Variants in IQGAP1 observed in about 807,000 individuals in gnomAD.
The protein encoded by IQGAP1 is ras GTPase-activating-like protein IQGAP1.
Under a neutral mutation model 215.6 loss-of-function variants are expected in IQGAP1, and 66 were observed. That is an observed-to-expected ratio of 0.31 (90% CI 0.25 to 0.38). IQGAP1 has a LOEUF of 0.38. IQGAP1 is among the 10% of genes least tolerant of loss of function. The pLI is 1.00. For synonymous variants in IQGAP1, 772 were observed against 728.7 expected (o/e 1.06, Z -0.96); for missense variants, 1,712 against 1,997.1 (o/e 0.86, Z 2.72).
chr15:90,396,533 G>A (rs1158641748), intron 2 of IQGAP1, among the ~76,000 whole-genome samples: 1 of 152,138 alleles, frequency 6.6e-6, no homozygotes, highest in Non-Finnish European at 1.5e-5. Flanking sequence ...TGGCACGGTG[G>A]CACTAGGAGC....
intron 2 of IQGAP1, among the ~76,000 whole-genome samples, chr15:90,417,610 T>C (rs28719668): frequency 0.032 from 4,928 of 152,220 alleles, 266 homozygotes; most frequent in African/African-American, 0.11. Context: ...GTTTTGGTTA[T>C]TGTAGCCTTG....
chr15:90,389,010 T>C (rs182099033), intron 1 of IQGAP1, among the ~76,000 whole-genome samples: 3 of 152,306 alleles, frequency 2.0e-5, no homozygotes, highest in East Asian at 1.9e-4. Flanking sequence ...CTGGACGTCA[T>C]TGAACTGCAG....
intron 30 of IQGAP1, among the ~76,000 whole-genome samples, chr15:90,484,589 A>G (rs1251510367): frequency 6.6e-6 from 1 of 151,896 alleles, no homozygotes; most frequent in Non-Finnish European, 1.5e-5. Context: ...GCTCACTGCA[A>G]GCTCCACCTC....
rs191729031 is a variant in IQGAP1 at position 90,414,468 on chromosome 15, A to T, written c.156-11642A>T. Among the ~76,000 whole-genome samples, 449 of 152,264 alleles carry T rather than the reference A, an allele frequency of 2.9e-3. 3 individuals carry two copies. The highest frequency in any genetic ancestry group is 0.01 in the African/African-American group (422 of 41,546). The stretch of plus-strand genomic sequence containing the variant: ...ACTAAGACTCCCCTTACAGGAGCCA[A>T]AGATGACCTTGCTTGTGTGCCACAT... On this transcript the variant is annotated intron_variant, in intron 2 of 37. Coordinates refer to ENST00000268182, the MANE Select transcript of IQGAP1 (RefSeq NM_003870.4).
chr15:90,497,116 A>G lies in IQGAP1; in HGVS notation c.4752-116A>G, dbSNP rs530121026. 1.3e-5 allele frequency: 8 copies of G among 622,408 alleles called. No individual in the cohort carries two copies. The South Asian group carries it at 1.4e-4, about 11-fold the overall frequency. The allele number at this position is 622,408 out of a possible 1,614,324, so 38.6% of individuals were successfully genotyped here. A position where few individuals can be genotyped will look rare whatever the true frequency, so the allele number is the denominator to read the frequency against. ...AGCTGCAGAAGTACTTTTGACCTGTATTTTCTGCAGCCCTTTTCACTCTTG... is the reference window on the plus strand; with the variant it reads ...AGCTGCAGAAGTACTTTTGACCTGTGTTTTCTGCAGCCCTTTTCACTCTTG... On this transcript the variant is annotated intron_variant, in intron 36 of 37. Coordinates refer to ENST00000268182, the MANE Select transcript of IQGAP1 (RefSeq NM_003870.4).
intron 18 of IQGAP1, among the ~76,000 whole-genome samples, chr15:90,472,039 T>C (rs1386819247): frequency 2.0e-5 from 3 of 152,222 alleles, no homozygotes; most frequent in Non-Finnish European, 4.4e-5. Flanking sequence ...GCTGCTTTCC[T>C]AACAGTATTG....
At chr15:90,497,597 T>G (rs1014148056) in intron 37 of IQGAP1, among the ~76,000 whole-genome samples, 1 of 152,240 alleles carries the variant, frequency 6.6e-6, no homozygotes, top group Non-Finnish European at 1.5e-5. Context: ...TAAATCGAGC[T>G]GACACCTTGG....
intron 26 of IQGAP1, among the ~76,000 whole-genome samples, chr15:90,481,629 T>C (rs1178071048): frequency 1.3e-5 from 2 of 152,224 alleles, no homozygotes; most frequent in African/African-American, 4.8e-5. Flanking sequence ...GTGGCACTTT[T>C]GGTGAACTGA....
intron 14 of IQGAP1, 126 bp downstream of exon 14, chr15:90,454,678 CA>C: frequency 9.6e-7 from 1 of 1,036,800 alleles, no homozygotes; most frequent in Non-Finnish European, 1.4e-6. Context: ...CTATATAACA[CA>C]AAAGGCTAAA....
chr15:90,453,339 C>T (rs747372882), intron 13 of IQGAP1, 47 bp downstream of exon 13: 2 of 1,444,416 alleles, frequency 1.4e-6, no homozygotes, highest in East Asian at 4.8e-5. Context: ...TAGCTGTTAA[C>T]CCTGTCTTTT....
chr15:90,465,859 C>G, intron 15 of IQGAP1, 142 bp from the exon 16 acceptor site: 1 of 669,932 alleles, frequency 1.5e-6, no homozygotes, highest in Non-Finnish European at 2.6e-6. Context: ...CCTCCTTCTT[C>G]CATTTGACTA....
chr15:90,477,188 T>C lies in IQGAP1; in HGVS notation c.3062T>C (p.Leu1021Pro). 3.1e-6 allele frequency: 5 copies of C among 1,614,150 alleles called. No homozygotes were observed. Among genetic ancestry groups the C allele is most frequent in the Non-Finnish European group, 4.2e-6 (5 of 1,180,018 alleles). ...NYASNQREEY[L>P]LLRLFKTALQ... ...GCGTCCAACCAGCGAGAGGAGTACC[T>C]GCTCCTGCGGCTCTTTAAGACAGCA... The change falls in exon 25 of 38, where the codon CTG becomes CCG. Residue 1021 changes from leucine to proline, a missense_variant. Coordinates refer to ENST00000268182, the MANE Select transcript of IQGAP1 (RefSeq NM_003870.4).
At chr15:90,466,486 ATGAGG>A in intron 17 of IQGAP1, 50 bp downstream of exon 17, 2 of 1,566,020 alleles carry the variant, frequency 1.3e-6, no homozygotes, top group Middle Eastern at 1.7e-4. Context: ...CCTTGAGTAT[ATGAGG>A]GGACAGATGT....
Position 90,467,505 on chromosome 15 carries a change from C to T in IQGAP1, c.2091C>T (p.Tyr697=), listed in dbSNP as rs368662217. ...GGGTAAAAGGTGGATATTATTATTA[C>T]CACAATCTGGAGACCCAGGAAGGAG... ...KHWVKGGYYY[Y]HNLETQEGGW... is the part of the protein sequence containing the mutation. Residue 697 remains tyrosine (Y), a synonymous_variant, in exon 18 of 38, where the codon TAC becomes TAT. Coordinates refer to ENST00000268182, the MANE Select transcript of IQGAP1 (RefSeq NM_003870.4). 119 of 1,612,748 alleles carry T rather than the reference C, an allele frequency of 7.4e-5. No individual in the cohort carries two copies. Among genetic ancestry groups the T allele is most frequent in the Non-Finnish European group, 9.7e-5 (114 of 1,179,440 alleles).
At chr15:90,428,568 C>G (rs1008613591) in intron 3 of IQGAP1, among the ~76,000 whole-genome samples, 1 of 152,038 alleles carries the variant, frequency 6.6e-6, no homozygotes. Context: ...TCACTTGAGT[C>G]TAGGAGTTTG....
intron 34 of IQGAP1, 104 bp from the exon 35 acceptor site, chr15:90,492,441 A>AG: frequency 1.5e-6 from 1 of 667,918 alleles, no homozygotes; most frequent in Non-Finnish European, 2.3e-6. Flanking sequence ...AAAAAAAAAA[A>AG]GTAGGTAGTC....
At chr15:90,416,856 C>T (rs544048805) in intron 2 of IQGAP1, among the ~76,000 whole-genome samples, 3 of 152,276 alleles carry the variant, frequency 2.0e-5, no homozygotes, top group Admixed American at 6.5e-5. Flanking sequence ...GGATTACAGA[C>T]GTGAGCCGCT....
chr15:90,475,181 T>C (rs1478980962), intron 23 of IQGAP1, among the ~76,000 whole-genome samples: 1 of 152,050 alleles, frequency 6.6e-6, no homozygotes, highest in Non-Finnish European at 1.5e-5. Flanking sequence ...GTATTTTTAC[T>C]GGAGATGGCG....
chr15:90,438,610 G>A (rs892294014), intron 5 of IQGAP1, among the ~76,000 whole-genome samples: 11 of 152,078 alleles, frequency 7.2e-5, no homozygotes, highest in African/African-American at 2.7e-4. Flanking sequence ...AGTAAGATTT[G>A]CCATCTGAAT....
Sources: allele counts gnomAD v4.1 joint callset (sites outside exome capture counted in the v4.1 genomes callset), GRCh38; gene constraint gnomAD v4.1.1; transcripts MANE v1.5; gene names NCBI Gene and HGNC (gene_info 2026-07-23, HGNC 2026-07-21).